CMPK2: variants seen among roughly 807,000 people sequenced by gnomAD.
The protein encoded by CMPK2 is cytidine/uridine monophosphate kinase 2, also known as UMP-CMP kinase 2, mitochondrial.
A neutral mutation model predicts 33.4 loss-of-function variants in CMPK2; 32 were observed. The observed-to-expected ratio is 0.96, with a 90% CI of 0.72 to 1.29. CMPK2 has a LOEUF of 1.29. Ranked by LOEUF, CMPK2 falls within the 50% of genes most tolerant of loss-of-function variation. The pLI, the probability that CMPK2 is intolerant of heterozygous loss-of-function variation, is 0.00. For missense variants in CMPK2, 672 were observed against 616.0 expected, an observed-to-expected ratio of 1.09 and a Z score of -0.96; for synonymous variants, 299 against 275.3, an observed-to-expected ratio of 1.09 and a Z score of -0.85.
At position 6,865,796 on chromosome 2, in the gene CMPK2, A is replaced by G. The variant is rs375642985; in HGVS notation, c.-100T>C. ...CGAAACCCGGAGGGAGCCAGGCGCCAGCGGGAAACGAAAGCGAAGCGTTGC... is the reference window on the plus strand; with the variant it reads ...CGAAACCCGGAGGGAGCCAGGCGCCGGCGGGAAACGAAAGCGAAGCGTTGC... On this transcript the variant is annotated 5_prime_UTR_variant, in exon 1 of 5. Transcript: ENST00000256722. The G allele has an allele frequency of 6.2e-4, 786 of 1,260,946 alleles. 6 individuals carry two copies. The East Asian group carries it at 0.015, about 24-fold the overall frequency. 78.1% of individuals were successfully genotyped at this position (1,260,946 alleles called of 1,614,324 possible).
intron 3 of CMPK2, among the ~76,000 whole-genome samples, chr2:6,857,069 G>C (rs1234088968): frequency 6.6e-6 from 1 of 152,114 alleles, no homozygotes; most frequent in Non-Finnish European, 1.5e-5. Flanking sequence ...GATATGTTCT[G>C]ACTAGCATCA....
At chr2:6,862,130 C>A (rs1411332653) in intron 2 of CMPK2, 3 of 152,264 alleles carry the variant, frequency 2.0e-5, no homozygotes, top group Admixed American at 2.0e-4. Context: ...TTTTAAGTTT[C>A]TCTATCACAC....
downstream of CMPK2, among the ~76,000 whole-genome samples, chr2:6,845,817 T>A (rs896546435): frequency 4.6e-5 from 7 of 152,232 alleles, no homozygotes; most frequent in Admixed American, 2.6e-4. Flanking sequence ...ATTCCTTTTT[T>A]AAAAAATCCC....
chr2:6,845,195 A>G (rs1662328619), downstream of CMPK2, among the ~76,000 whole-genome samples: 1 of 152,176 alleles, frequency 6.6e-6, no homozygotes, highest in African/African-American at 2.4e-5. Flanking sequence ...TAGTATATAA[A>G]AAAAGACTTC....
downstream of CMPK2, among the ~76,000 whole-genome samples, chr2:6,843,801 G>T (rs1276839228): frequency 3.3e-5 from 5 of 151,710 alleles, no homozygotes; most frequent in Non-Finnish European, 7.3e-5. Context: ...CATTCACCAT[G>T]GTTGTGATAT....
At position 6,849,719 on chromosome 2, in the gene CMPK2, C is replaced by T. The variant is rs1023111692; in HGVS notation, c.*131G>A. On this transcript the variant is annotated 3_prime_UTR_variant, in exon 5 of 5. Transcript: ENST00000256722. ...CGATGGCTGAAGTAAAATTAAGATG[C>T]CTGGTCTCCAGTTTTCTGCCACACA... 7.9e-5 allele frequency: 120 copies of T among 1,524,710 alleles called. No individual in the cohort carries two copies. The highest frequency in any genetic ancestry group is 8.3e-5 in the Non-Finnish European group (95 of 1,147,334). The allele number at this position is 1,524,710 out of a possible 1,614,324, so 94.4% of individuals were successfully genotyped here.
intron 4 of CMPK2, chr2:6,851,143 C>G: frequency 8.2e-7 from 1 of 1,213,432 alleles, no homozygotes; most frequent in Non-Finnish European, 1.0e-6. Flanking sequence ...TGTGATTATA[C>G]TATGACTGGG....
rs1355766091 is a variant in CMPK2 at position 6,865,172 on chromosome 2, G to T, written c.525C>A (p.Arg175=). Residue 175 remains arginine, a synonymous_variant, in exon 1 of 5, where the codon CGC becomes CGA. Transcript: ENST00000256722. ...GCCTGCCGTCTTGCACCTCCCAGAGGCGCTGCCACAGCTGGCCGCGCGGGT... is the reference window on the plus strand; with the variant it reads ...GCCTGCCGTCTTGCACCTCCCAGAGTCGCTGCCACAGCTGGCCGCGCGGGT... ...EADPRGQLWQ[R]LWEVQDGRRL... 1.3e-6 allele frequency: 2 copies of T among 1,535,642 alleles called. No homozygotes were observed. The highest frequency in any genetic ancestry group is 1.7e-6 in the Non-Finnish European group (2 of 1,143,460).
intron 3 of CMPK2, among the ~76,000 whole-genome samples, chr2:6,853,828 G>C (rs890164777): frequency 3.3e-5 from 5 of 152,014 alleles, no homozygotes; most frequent in African/African-American, 1.2e-4. Flanking sequence ...CGTGAACCCG[G>C]AAGGCAGAGC....
chr2:6,861,093 T>TACACAC lies in CMPK2; in HGVS notation c.992+85_992+90dup, dbSNP rs1299249257. On this transcript the variant is annotated intron_variant, in intron 3 of 4. Coordinates refer to ENST00000256722, the MANE Select transcript of CMPK2 (RefSeq NM_207315.4). ...TTTTCCTGGCATATACATGTACGTA[T>TACACAC]ACACACACACGCACACACACACACA... The TACACAC allele has an allele frequency of 1.2e-3, 280 of 235,400 alleles. No homozygotes were observed. The African/African-American group carries it at 0.012, about 10-fold the overall frequency. 14.6% of individuals were successfully genotyped at this position (235,400 alleles called of 1,614,324 possible). A position where few individuals can be genotyped will look rare whatever the true frequency, so the allele number is the denominator to read the frequency against.
chr2:6,845,107 G>A (rs147275600), downstream of CMPK2, among the ~76,000 whole-genome samples: 796 of 152,184 alleles, frequency 5.2e-3, 9 homozygotes, highest in African/African-American at 0.017. Context: ...GGGTTGTCTC[G>A]CAGGGCAAAG....
chr2:6,843,849 G>A (rs1047535018), downstream of CMPK2, among the ~76,000 whole-genome samples: 2 of 152,220 alleles, frequency 1.3e-5, no homozygotes, highest in African/African-American at 4.8e-5. Flanking sequence ...GGAGAACAGA[G>A]AGGCTGGCTC....
chr2:6,846,196 AG>A (rs962307787), downstream of CMPK2, among the ~76,000 whole-genome samples: 1 of 152,254 alleles, frequency 6.6e-6, no homozygotes, highest in African/African-American at 2.4e-5. Context: ...GGGGTTTGAT[AG>A]GTTGCCCCCA....
At chr2:6,850,070 A>G in intron 4 of CMPK2, 97 bp from the exon 5 acceptor site, 1 of 895,454 alleles carries the variant, frequency 1.1e-6, no homozygotes, top group Admixed American at 2.5e-5. Flanking sequence ...GCTTGAAGCA[A>G]GCTTCCCATG....
chr2:6,845,109 A>G (rs1662326060), downstream of CMPK2, among the ~76,000 whole-genome samples: 1 of 152,194 alleles, frequency 6.6e-6, no homozygotes, highest in Admixed American at 6.5e-5. Flanking sequence ...GTTGTCTCGC[A>G]GGGCAAAGAA....
chr2:6,855,382 A>G (rs1315221654), intron 3 of CMPK2, among the ~76,000 whole-genome samples: 1 of 149,904 alleles, frequency 6.7e-6, no homozygotes, highest in African/African-American at 2.5e-5. Context: ...TTTCCTCTTC[A>G]ATTTCCACCA....
downstream of CMPK2, among the ~76,000 whole-genome samples, chr2:6,845,390 G>A (rs1172425965): frequency 6.6e-6 from 1 of 152,142 alleles, no homozygotes; most frequent in Admixed American, 6.5e-5. Flanking sequence ...TGGGAGACAA[G>A]GCATCCCTCA....
Position 6,865,870 on chromosome 2 carries a change from G to C in CMPK2, c.-174C>G, listed in dbSNP as rs758103890. On this transcript the variant is annotated 5_prime_UTR_variant, in exon 1 of 5. Transcript: ENST00000256722. ...AGGCGGGGCAGGAGCCCTGGGGCTG[G>C]GGCGCCCTTCCGGCCTCTCCTCCTC... is the stretch of plus-strand genomic sequence containing the variant. 17 of 1,365,872 alleles carry C rather than the reference G, an allele frequency of 1.2e-5. 1 individual carries two copies. In the East Asian group the frequency reaches 4.1e-4, roughly 33 times the overall value. 84.6% of individuals were successfully genotyped at this position (1,365,872 alleles called of 1,614,324 possible).
chr2:6,843,897 G>A (rs553609111), downstream of CMPK2, among the ~76,000 whole-genome samples: 97 of 152,314 alleles, frequency 6.4e-4, no homozygotes, highest in Non-Finnish European at 1.2e-3. Flanking sequence ...TCCTTTCTAC[G>A]TCCAGAATCA....
Sources: allele counts gnomAD v4.1 joint callset (sites outside exome capture counted in the v4.1 genomes callset), GRCh38; gene constraint gnomAD v4.1.1; transcripts MANE v1.5; gene names NCBI Gene and HGNC (gene_info 2026-07-23, HGNC 2026-07-21).